Variants in UNC13C observed in about 807,000 individuals in gnomAD.
The protein encoded by UNC13C is protein unc-13 homolog C.
In UNC13C, 174 loss-of-function variants were observed where a neutral mutation model predicts 245.4. The ratio of observed to expected loss-of-function variants is 0.71; its 90% CI spans 0.63 to 0.80. The LOEUF is 0.80. Ranked by LOEUF, UNC13C falls within the 30% of genes least tolerant of loss-of-function variation. The pLI is 0.00. For missense variants in UNC13C, 2,829 were observed against 2,602.9 expected (o/e 1.09, Z -1.89); for synonymous variants, 992 against 895.1 (o/e 1.11, Z -1.93).
intron 10 of UNC13C, among the ~76,000 whole-genome samples, chr15:54,269,946 A>G (rs1304732361): frequency 6.6e-6 from 1 of 152,196 alleles, no homozygotes; most frequent in Non-Finnish European, 1.5e-5. Context: ...AATATTTTCC[A>G]CTTTACTGAT....
At chr15:54,154,151 C>G (rs2032642650) in intron 4 of UNC13C, among the ~76,000 whole-genome samples, 1 of 151,924 alleles carries the variant, frequency 6.6e-6, no homozygotes, top group Non-Finnish European at 1.5e-5. Flanking sequence ...CCCTATCTAA[C>G]TATATTTTTG....
chr15:54,441,302 G>T (rs919841534), intron 19 of UNC13C, among the ~76,000 whole-genome samples: 3 of 151,922 alleles, frequency 2.0e-5, no homozygotes, highest in Admixed American at 2.0e-4. Context: ...ATAGTTTCAG[G>T]TCTTATGTTT....
chr15:53,842,006 A>G, the UNC13C span, among the ~76,000 whole-genome samples: 7 of 152,312 alleles, frequency 4.6e-5, no homozygotes, highest in Admixed American at 6.5e-5. Context: ...AGAGTTATCC[A>G]TTAAGATGTT....
At chr15:54,319,507 A>G (rs2038094849) in intron 13 of UNC13C, among the ~76,000 whole-genome samples, 1 of 151,958 alleles carries the variant, frequency 6.6e-6, no homozygotes, top group Admixed American at 6.6e-5. Context: ...TGCACAAATC[A>G]TGGAACTCAC....
chr15:54,490,792 G>A (rs144502933), intron 19 of UNC13C, among the ~76,000 whole-genome samples: 7 of 151,998 alleles, frequency 4.6e-5, no homozygotes, highest in East Asian at 3.9e-4. Flanking sequence ...ATAATTTTGC[G>A]GACATGCACA....
chr15:54,615,601 G>A (rs570615954), intron 30 of UNC13C, among the ~76,000 whole-genome samples: 57 of 152,162 alleles, frequency 3.7e-4, no homozygotes, highest in Non-Finnish European at 7.5e-4. Flanking sequence ...TAATTGTGGT[G>A]CATGAATAGA....
At chr15:54,132,688 T>C (rs2031500733) in intron 2 of UNC13C, among the ~76,000 whole-genome samples, 1 of 152,248 alleles carries the variant, frequency 6.6e-6, no homozygotes, top group African/African-American at 2.4e-5. Context: ...TTCTTTGCAC[T>C]GTTTTTGGCT....
the UNC13C span, among the ~76,000 whole-genome samples, chr15:53,940,403 G>A: frequency 1.3e-5 from 2 of 151,976 alleles, no homozygotes; most frequent in African/African-American, 4.8e-5. Flanking sequence ...TTGAAAATCA[G>A]GACAAGATAA....
intron 4 of UNC13C, among the ~76,000 whole-genome samples, chr15:54,221,674 A>G (rs2035230638): frequency 6.6e-6 from 1 of 151,976 alleles, no homozygotes; most frequent in Non-Finnish European, 1.5e-5. Flanking sequence ...AAAAAATAAG[A>G]TTAATCACAT....
chr15:54,580,829 A>C (rs926182516), intron 30 of UNC13C, among the ~76,000 whole-genome samples: 3 of 152,114 alleles, frequency 2.0e-5, no homozygotes, highest in Non-Finnish European at 2.9e-5. Context: ...TGTGAGCTGT[A>C]CCTCCACATT....
chr15:54,292,069 G>A (rs1042710673), intron 10 of UNC13C, among the ~76,000 whole-genome samples: 1 of 151,922 alleles, frequency 6.6e-6, no homozygotes, highest in Admixed American at 6.6e-5. Context: ...CAAATACTTT[G>A]TGTAGTTTCG....
In UNC13C at chr15:54,258,290, G is replaced by A. The variant is rs138166631; in HGVS notation, c.3449-5878G>A. ...CCAGCATACTGCAGACACCGTCCGCGTGAGAGTTTTCCAGTTGTTTCAGAG... is the reference window on the plus strand; with the variant it reads ...CCAGCATACTGCAGACACCGTCCGCATGAGAGTTTTCCAGTTGTTTCAGAG... On this transcript the variant is annotated intron_variant, in intron 8 of 32. Coordinates refer to ENST00000260323, the MANE Select transcript of UNC13C (RefSeq NM_001080534.3). Among the ~76,000 whole-genome samples the A allele has an allele frequency of 8.8e-3, 1,339 of 152,172 alleles. 21 individuals are homozygous for A. Among genetic ancestry groups the A allele is most frequent in the African/African-American group, 0.03 (1,228 of 41,518 alleles).
intron 1 of UNC13C, among the ~76,000 whole-genome samples, chr15:53,990,723 G>A (rs190097584): frequency 3.7e-4 from 57 of 152,018 alleles, no homozygotes; most frequent in Middle Eastern, 3.4e-3. Flanking sequence ...ATTGGACCAG[G>A]GTTATGAAGC....
intron 19 of UNC13C, among the ~76,000 whole-genome samples, 189 bp from the exon 20 acceptor site, chr15:54,494,419 C>G (rs1401940797): frequency 6.6e-6 from 1 of 151,934 alleles, no homozygotes; most frequent in Non-Finnish European, 1.5e-5. Flanking sequence ...TTGACCTATT[C>G]TATGTGGGAC....
chr15:54,504,332 G>T (rs1033447966), intron 22 of UNC13C, among the ~76,000 whole-genome samples: 1 of 152,004 alleles, frequency 6.6e-6, no homozygotes, highest in Non-Finnish European at 1.5e-5. Flanking sequence ...CAATAATAAT[G>T]ATAATTCATT....
At chr15:54,124,214 A>G (rs907616825) in intron 2 of UNC13C, among the ~76,000 whole-genome samples, 71 of 152,170 alleles carry the variant, frequency 4.7e-4, no homozygotes, top group African/African-American at 1.5e-3. Flanking sequence ...AAATGCCTAA[A>G]TGTGTAATGG....
At chr15:54,187,289 C>A (rs78636500) in intron 4 of UNC13C, among the ~76,000 whole-genome samples, 61 of 152,228 alleles carry the variant, frequency 4.0e-4, no homozygotes, top group African/African-American at 1.4e-3. Context: ...ATTTCTACAT[C>A]CATTCTTGCT....
At chr15:54,127,578 G>C (rs2031129555) in intron 2 of UNC13C, among the ~76,000 whole-genome samples, 1 of 151,654 alleles carries the variant, frequency 6.6e-6, no homozygotes, top group Admixed American at 6.6e-5. Flanking sequence ...CTAGGGAAGG[G>C]ATAGCATTAA....
intron 4 of UNC13C, among the ~76,000 whole-genome samples, chr15:54,197,651 G>A (rs2141338903): frequency 6.6e-6 from 1 of 152,130 alleles, no homozygotes; most frequent in South Asian, 2.1e-4. Context: ...GGCTGTAAAA[G>A]GAACCTTTAA....
Sources: gnomAD v4.1 joint callset for allele counts (sites outside exome capture counted in the v4.1 genomes callset) on GRCh38, gnomAD v4.1.1 for gene constraint, MANE v1.5 for transcripts, NCBI Gene and HGNC (gene_info 2026-07-23, HGNC 2026-07-21) for gene names.